The following CRIPT variants were observed in gnomAD, a reference collection of about 807,000 sequenced individuals.
CRIPT encodes CXXC repeat containing interactor of PDZ3 domain.
In CRIPT, 20 loss-of-function variants were observed where a neutral mutation model predicts 16.6. The ratio of observed to expected loss-of-function variants is 1.20; its 90% CI spans 0.85 to 1.75. The LOEUF (loss-of-function observed/expected upper bound fraction) is 1.75. Ranked by LOEUF, CRIPT falls within the 40% of genes most tolerant of loss-of-function variation. The pLI, the probability that CRIPT is intolerant of heterozygous loss-of-function variation, is 0.00. For synonymous variants in CRIPT, 42 were observed against 37.0 expected (o/e 1.14, Z -0.49); for missense variants, 133 against 115.3 (o/e 1.15, Z -0.70).
intron 3 of CRIPT, among the ~76,000 whole-genome samples, chr2:46,623,180 AATC>A (rs1217489434): frequency 3.9e-4 from 60 of 152,186 alleles, no homozygotes; most frequent in African/African-American, 1.3e-3. Context: ...TAGATGCATT[AATC>A]ATTTGGTATT....
intron 3 of CRIPT, among the ~76,000 whole-genome samples, chr2:46,623,488 C>T (rs1196068184): frequency 6.6e-6 from 1 of 152,178 alleles, no homozygotes; most frequent in Non-Finnish European, 1.5e-5. Flanking sequence ...ATTTATGTCA[C>T]ACAAATAGAA....
In CRIPT at chr2:46,625,866, A is replaced by G. The variant is rs1317030000; in HGVS notation, c.*1639A>G. 1.3e-5 allele frequency: 2 copies of G among 152,188 alleles called. No individual in the cohort carries two copies. Among genetic ancestry groups the G allele is most frequent in the Non-Finnish European group, 2.9e-5 (2 of 68,028 alleles). 9.4% of individuals were successfully genotyped at this position (152,188 alleles called of 1,614,324 possible). A position where few individuals can be genotyped will look rare whatever the true frequency, so the allele number is the denominator to read the frequency against. Reference sequence around the variant, plus strand: ...GATTGGATTCATTGACTTGGAGAAAAGTACATTTCTCAGGGATCAGCTAGA... The same window carrying G: ...GATTGGATTCATTGACTTGGAGAAAGGTACATTTCTCAGGGATCAGCTAGA... On this transcript the variant is annotated 3_prime_UTR_variant, in exon 5 of 5. Coordinates refer to ENST00000238892, the MANE Select transcript of CRIPT (RefSeq NM_014171.6).
rs888777600 is a variant in CRIPT, at chr2:46,623,909, T to C, written c.241+42T>C. 16 of 1,354,402 alleles carry C rather than the reference T, an allele frequency of 1.2e-5. No homozygotes were observed. In the Admixed American group the frequency reaches 1.8e-4, roughly 15 times the overall value. 83.9% of individuals were successfully genotyped at this position (1,354,402 alleles called of 1,614,324 possible). On this transcript the variant is annotated intron_variant, in intron 4 of 4. Coordinates refer to ENST00000238892, the MANE Select transcript of CRIPT (RefSeq NM_014171.6). ...ACCGTTTTCTATTCATAAAACCGAC[T>C]TCATTTGCTGCTAATTTGGTTAACA...
Position 46,617,282 on chromosome 2 carries a change from G to T in CRIPT, c.-1G>T, listed in dbSNP as rs1670682958. 8 of 1,555,132 alleles carry T rather than the reference G, an allele frequency of 5.1e-6. No individual in the cohort carries two copies. The highest frequency in any genetic ancestry group is 1.4e-5 in the African/African-American group (1 of 73,758). On this transcript the variant is annotated 5_prime_UTR_variant, in exon 1 of 5. Coordinates refer to ENST00000238892, the MANE Select transcript of CRIPT (RefSeq NM_014171.6). Reference sequence around the variant, plus strand: ...GGCTAGGGGAACCGTCGTGGGGAAGGATGGTGTGCGAAAAATGTGAGTTAA... The same window carrying T: ...GGCTAGGGGAACCGTCGTGGGGAAGTATGGTGTGCGAAAAATGTGAGTTAA...
intron 2 of CRIPT, among the ~76,000 whole-genome samples, chr2:46,619,075 A>T (rs1333859161): frequency 2.6e-5 from 4 of 152,190 alleles, no homozygotes; most frequent in African/African-American, 9.6e-5. Context: ...AGTGATGGCA[A>T]TATCACAGTA....
At position 46,625,403 on chromosome 2, in the gene CRIPT, T is replaced by TA. The variant is rs1434870381; in HGVS notation, c.*1178dup. The TA allele has an allele frequency of 9.4e-6, 1 of 106,808 alleles. No homozygotes were observed. The highest frequency in any genetic ancestry group is 1.9e-5 in the Non-Finnish European group (1 of 53,760). 6.6% of individuals were successfully genotyped at this position (106,808 alleles called of 1,614,324 possible). A position where few individuals can be genotyped will look rare whatever the true frequency, so the allele number is the denominator to read the frequency against. ...TTTTTTTTTTTTTTTTTTTTTTTTT[T>TA]AACACTACAGGTTTCAAATGAATAC... On this transcript the variant is annotated 3_prime_UTR_variant, in exon 5 of 5. Transcript: ENST00000238892.
rs762934398 is a variant in CRIPT, at chr2:46,623,755, A to T, written c.138-9A>T. 6.4e-7 allele frequency: 1 copy of T among 1,555,466 alleles called. No homozygotes were observed. Among genetic ancestry groups the T allele is most frequent in the Admixed American group, 1.8e-5 (1 of 56,718 alleles). ...TATACAATTTTCTCTCTTTAAAAAA[A>T]ATTTCTAGATTTGATCCATATGGAA... On this transcript the variant is annotated splice_polypyrimidine_tract_variant and intron_variant, in intron 3 of 4. Coordinates refer to ENST00000238892, the MANE Select transcript of CRIPT (RefSeq NM_014171.6).
intron 1 of CRIPT, 22 bp downstream of exon 1, chr2:46,617,320 G>A: frequency 6.4e-7 from 1 of 1,553,394 alleles, no homozygotes; most frequent in Non-Finnish European, 8.7e-7. Flanking sequence ...GGCCGCTTCT[G>A]CGGGAGGAGG....
At position 46,625,924 on chromosome 2, in the gene CRIPT, TTTG is replaced by T. The variant is rs914991333; in HGVS notation, c.*1712_*1714del. On this transcript the variant is annotated 3_prime_UTR_variant, in exon 5 of 5. Coordinates refer to ENST00000238892, the MANE Select transcript of CRIPT (RefSeq NM_014171.6). ...CTTGCCTAACTCACATTTCATTTTT[TTTG>T]TTGTTGTTGTTGTTTTTATAATTTC... 1.2e-4 allele frequency among the ~76,000 whole-genome samples: 19 copies of T among 152,158 alleles called. No homozygotes were observed. Among genetic ancestry groups the T allele is most frequent in the East Asian group, 3.9e-4 (2 of 5,186 alleles).
intron 3 of CRIPT, among the ~76,000 whole-genome samples, chr2:46,620,269 GA>G (rs1377940317): frequency 6.6e-6 from 1 of 152,074 alleles, no homozygotes; most frequent in African/African-American, 2.4e-5. Flanking sequence ...GGCAACATGT[GA>G]AACCCTGTCC....
rs1034319368 is a variant in CRIPT at position 46,627,005 on chromosome 2, G to C, written c.*2778G>C. 6.6e-6 allele frequency among the ~76,000 whole-genome samples: 1 copy of C among 151,946 alleles called. No homozygotes were observed. Among genetic ancestry groups the C allele is most frequent in the Admixed American group, 6.6e-5 (1 of 15,258 alleles). On this transcript the variant is annotated 3_prime_UTR_variant, in exon 5 of 5. Coordinates refer to ENST00000238892, the MANE Select transcript of CRIPT (RefSeq NM_014171.6). ...CTGCCACCAAGCGTGGCTAATTTTG[G>C]TACTTTTAGTAGAGACAGGGTTTCA...
At chr2:46,618,736 A>T in intron 1 of CRIPT, 37 bp from the exon 2 acceptor site, 1 of 1,356,462 alleles carries the variant, frequency 7.4e-7, no homozygotes, top group East Asian at 2.3e-5. Context: ...ATTAAATAAT[A>T]AAGTTTAATT....
In CRIPT at chr2:46,629,660, A is replaced by G. The variant is rs1046707060; in HGVS notation, c.*5433A>G. ...AGTGCAGTGAGGGTTGAAATGCTGT[A>G]AGTGATATGTATTGCAGGTATACAT... On this transcript the variant is annotated 3_prime_UTR_variant, in exon 5 of 5. Coordinates refer to ENST00000238892, the MANE Select transcript of CRIPT (RefSeq NM_014171.6). Among the ~76,000 whole-genome samples the G allele has an allele frequency of 6.6e-6, 1 of 152,216 alleles. No individual in the cohort carries two copies. The highest frequency in any genetic ancestry group is 1.5e-5 in the Non-Finnish European group (1 of 68,028).
chr2:46,619,911 A>G (rs1670761421), intron 3 of CRIPT, among the ~76,000 whole-genome samples: 1 of 152,204 alleles, frequency 6.6e-6, no homozygotes, highest in African/African-American at 2.4e-5. Context: ...TCACCAGAAA[A>G]CATGACTTTT....
rs967013994 is a variant in CRIPT at position 46,624,737 on chromosome 2, A to T, written c.*510A>T. On this transcript the variant is annotated 3_prime_UTR_variant, in exon 5 of 5. Transcript: ENST00000238892. ...GTTCTTTAGTTATTAACCTAGACCC[A>T]AATCAAAGACCAGTTGGATTTATGA... 2.0e-5 allele frequency: 3 copies of T among 152,226 alleles called. No homozygotes were observed. The highest frequency in any genetic ancestry group is 7.2e-5 in the African/African-American group (3 of 41,458). 9.4% of individuals were successfully genotyped at this position (152,226 alleles called of 1,614,324 possible).
In CRIPT at chr2:46,624,280, T is replaced by A; in HGVS notation, c.*53T>A. The A allele has an allele frequency of 1.7e-6, 2 of 1,205,502 alleles. No homozygotes were observed. The highest frequency in any genetic ancestry group is 2.3e-6 in the Non-Finnish European group (2 of 852,904). The allele number at this position is 1,205,502 out of a possible 1,614,324, so 74.7% of individuals were successfully genotyped here. ...AAATGATTTTACTTTCTGCCTTGAA[T>A]TTTCAAGGCATAGATGTCAACTTAC... On this transcript the variant is annotated 3_prime_UTR_variant, in exon 5 of 5. Coordinates refer to ENST00000238892, the MANE Select transcript of CRIPT (RefSeq NM_014171.6).
intron 3 of CRIPT, among the ~76,000 whole-genome samples, chr2:46,623,517 T>C (rs1670860639): frequency 6.6e-6 from 1 of 152,228 alleles, no homozygotes; most frequent in African/African-American, 2.4e-5. Context: ...ACGACTGATA[T>C]GAACACGTCA....
In CRIPT at chr2:46,629,415, AT is replaced by A. The variant is rs1671019042; in HGVS notation, c.*5191del. 6.6e-6 allele frequency among the ~76,000 whole-genome samples: 1 copy of A among 152,160 alleles called. No individual in the cohort carries two copies. The highest frequency in any genetic ancestry group is 1.5e-5 in the Non-Finnish European group (1 of 68,028). On this transcript the variant is annotated 3_prime_UTR_variant, in exon 5 of 5. Transcript: ENST00000238892. The stretch of plus-strand genomic sequence containing the variant: ...ATTGCCATAATACTTTACAGTCCAT[AT>A]TTCAATTTCATTTGCTGTTTTATTG...
rs905664955 is a variant in CRIPT, at chr2:46,627,176, A to T, written c.*2949A>T. Among the ~76,000 whole-genome samples the T allele has an allele frequency of 6.6e-6, 1 of 152,062 alleles. No individual in the cohort carries two copies. The highest frequency in any genetic ancestry group is 1.5e-5 in the Non-Finnish European group (1 of 68,000). ...GTTTTCTGAATTGTTTTAGTTCCTT[A>T]TAGATTTTGGACATTAGACCTTTTT... is the stretch of plus-strand genomic sequence containing the variant. On this transcript the variant is annotated 3_prime_UTR_variant, in exon 5 of 5. Coordinates refer to ENST00000238892, the MANE Select transcript of CRIPT (RefSeq NM_014171.6).
Sources: gnomAD v4.1 joint callset for allele counts (sites outside exome capture counted in the v4.1 genomes callset) on GRCh38, gnomAD v4.1.1 for gene constraint, MANE v1.5 for transcripts, NCBI Gene and HGNC (gene_info 2026-07-23, HGNC 2026-07-21) for gene names.